Variants in DLC1 observed in about 807,000 individuals in gnomAD.
The protein encoded by DLC1 is rho GTPase-activating protein 7.
Under a neutral mutation model 140.3 loss-of-function variants are expected in DLC1, and 54 were observed. That is an observed-to-expected ratio of 0.38 (90% CI 0.31 to 0.48). DLC1 has a LOEUF of 0.48. Among genes scored for constraint, DLC1 ranks in the 20% least tolerant of loss-of-function variants. DLC1 has a pLI of 0.96. For missense variants in DLC1, 2,536 were observed against 1,907.0 expected (o/e 1.33, Z -6.14); for synonymous variants, 986 against 728.1 (o/e 1.35, Z -5.70).
chr8:13,432,379 A>G (rs1404613482), intron 2 of DLC1, among the ~76,000 whole-genome samples: 4 of 152,242 alleles, frequency 2.6e-5, no homozygotes, highest in Non-Finnish European at 5.9e-5. Context: ...CAGTGATAAA[A>G]CAATATATCA....
Position 13,401,573 on chromosome 8 carries a change from A to G in DLC1, c.1070T>C (p.Leu357Pro), listed in dbSNP as rs771409271. 5.0e-6 allele frequency: 8 copies of G among 1,613,748 alleles called. No individual in the cohort carries two copies. In the East Asian group the frequency reaches 1.8e-4, roughly 36 times the overall value. ...AAGCTGGTCCAGTTTCATAATCAGC[A>G]GCACCATGGAGTCCAGCCGCGCCCT... Reference protein sequence around the residue: ...RDRARLDSMVLLIMKLDQLDQ... With the variant: ...RDRARLDSMVPLIMKLDQLDQ... The change falls in exon 3 of 18, where the codon CTG becomes CCG. Residue 357 changes from leucine to proline, a missense_variant. Coordinates refer to ENST00000276297, the MANE Select transcript of DLC1 (RefSeq NM_182643.3).
In DLC1 at chr8:13,097,447, A is replaced by G. The variant is rs1818598603; in HGVS notation, c.3167+952T>C. Reference sequence around the variant, plus strand: ...CTCAGCTAATTTTTGTATTTTTAGTAGAGATGGGGTTTCGCCATGTTGGCC... The same window carrying G: ...CTCAGCTAATTTTTGTATTTTTAGTGGAGATGGGGTTTCGCCATGTTGGCC... On this transcript the variant is annotated intron_variant, in intron 10 of 17. Transcript: ENST00000276297. Among the ~76,000 whole-genome samples, 3 of 152,128 alleles carry G rather than the reference A, an allele frequency of 2.0e-5. No individual in the cohort carries two copies. The South Asian group carries it at 6.2e-4, about 32-fold the overall frequency.
intron 5 of DLC1, among the ~76,000 whole-genome samples, chr8:13,268,065 T>C (rs566341094): frequency 1.1e-4 from 17 of 152,330 alleles, no homozygotes; most frequent in African/African-American, 4.1e-4. Flanking sequence ...GGGTAATCTA[T>C]GTGTAAATTG....
At chr8:13,430,864 G>T (rs947466828) in intron 2 of DLC1, among the ~76,000 whole-genome samples, 1 of 152,078 alleles carries the variant, frequency 6.6e-6, no homozygotes, top group Non-Finnish European at 1.5e-5. Context: ...TATTATGCTT[G>T]AATAATTACT....
intron 4 of DLC1, chr8:13,342,660 C>G (rs946512020): frequency 6.6e-6 from 1 of 152,264 alleles, no homozygotes; most frequent in African/African-American, 2.4e-5. Flanking sequence ...AAGATCAACT[C>G]TTAGCAGAAC....
chr8:13,483,781 T>C (rs936635256), intron 2 of DLC1, among the ~76,000 whole-genome samples: 1 of 152,082 alleles, frequency 6.6e-6, no homozygotes, highest in African/African-American at 2.4e-5. Context: ...CAGATTTGCA[T>C]TGTTTAAAGA....
intron 4 of DLC1, among the ~76,000 whole-genome samples, chr8:13,356,974 G>A (rs1002704376): frequency 1.8e-4 from 28 of 152,140 alleles, no homozygotes; most frequent in African/African-American, 6.5e-4. Flanking sequence ...AGAAGCCTTA[G>A]GAAAGTCCTG....
chr8:13,307,078 T>C (rs1207420122), intron 4 of DLC1, among the ~76,000 whole-genome samples: 1 of 68,708 alleles, frequency 1.5e-5, no homozygotes, highest in East Asian at 3.4e-4. Context: ...AGAGAGACTC[T>C]GTCAAAAAAA....
intron 5 of DLC1, among the ~76,000 whole-genome samples, chr8:13,301,223 C>T (rs1025494622): frequency 3.0e-5 from 4 of 132,524 alleles, no homozygotes; most frequent in African/African-American, 1.1e-4. Flanking sequence ...GTCTAATAGA[C>T]AAAAAAAAAA....
intron 5 of DLC1, among the ~76,000 whole-genome samples, chr8:13,157,496 A>C (rs1220963318): frequency 6.6e-6 from 1 of 152,196 alleles, no homozygotes; most frequent in Non-Finnish European, 1.5e-5. Flanking sequence ...GTAATTTAGC[A>C]TTTGAAAAAT....
chr8:13,271,117 A>G (rs955900567), intron 5 of DLC1, among the ~76,000 whole-genome samples: 1 of 152,200 alleles, frequency 6.6e-6, no homozygotes, highest in Non-Finnish European at 1.5e-5. Flanking sequence ...TTATCAAAAC[A>G]GTATCATTTA....
intron 1 of DLC1, chr8:13,558,375 A>C (rs534241817): frequency 3.9e-5 from 6 of 152,148 alleles, no homozygotes; most frequent in Non-Finnish European, 8.8e-5. Flanking sequence ...GACTGATGGG[A>C]TGTGTTCAAT....
chr8:13,218,755 A>G (rs1032834737), intron 5 of DLC1, among the ~76,000 whole-genome samples: 66 of 140,338 alleles, frequency 4.7e-4, no homozygotes, highest in African/African-American at 1.7e-3. Flanking sequence ...ATGACCCACC[A>G]ATTCTATTCA....
intron 5 of DLC1, chr8:13,116,296 T>C: frequency 1.4e-5 from 13 of 917,108 alleles, no homozygotes; most frequent in Non-Finnish European, 1.7e-5. Context: ...TCTACCTCCC[T>C]GTGGTTTCAC....
rs115305788 is a variant in DLC1, at chr8:13,140,502, G to A, written c.1349-24845C>T. On this transcript the variant is annotated intron_variant, in intron 5 of 17. Transcript: ENST00000276297. ...CCTGCCTCTGCCTTCCAAAGTGCTG[G>A]GATTACAGGTTGAGCCACAGTGCCT... is the stretch of plus-strand genomic sequence containing the variant. Among the ~76,000 whole-genome samples the A allele has an allele frequency of 4.0e-3, 612 of 152,020 alleles. 1 individual carries two copies. Among genetic ancestry groups the A allele is most frequent in the African/African-American group, 0.014 (590 of 41,486 alleles).
At chr8:13,502,415 CTTCA>C (rs1190360170) in intron 1 of DLC1, among the ~76,000 whole-genome samples, 4 of 152,116 alleles carry the variant, frequency 2.6e-5, no homozygotes, top group African/African-American at 9.7e-5. Context: ...CATTTGGCAT[CTTCA>C]TTCATTCCAT....
At chr8:13,195,568 G>T (rs946854817) in intron 5 of DLC1, among the ~76,000 whole-genome samples, 6 of 152,312 alleles carry the variant, frequency 3.9e-5, no homozygotes, top group Middle Eastern at 3.4e-3. Flanking sequence ...TAGGTTCTTT[G>T]TGTGATTGAA....
At chr8:13,232,982 C>T (rs1440338280) in intron 5 of DLC1, among the ~76,000 whole-genome samples, 1 of 152,026 alleles carries the variant, frequency 6.6e-6, no homozygotes, top group Non-Finnish European at 1.5e-5. Flanking sequence ...CAAAAGGAAT[C>T]ATTAAAAATG....
chr8:13,413,279 G>A (rs1407711818), intron 2 of DLC1, among the ~76,000 whole-genome samples: 1 of 12,170 alleles, frequency 8.2e-5, no homozygotes, highest in African/African-American at 2.1e-4. Flanking sequence ...TTTTTTTTTA[G>A]CTCATCAACT....
Sources: allele counts gnomAD v4.1 joint callset (sites outside exome capture counted in the v4.1 genomes callset), GRCh38; gene constraint gnomAD v4.1.1; transcripts MANE v1.5; gene names NCBI Gene and HGNC (gene_info 2026-07-23, HGNC 2026-07-21).